AJAP1: variants seen among roughly 807,000 people sequenced by gnomAD.
The protein encoded by AJAP1 is adherens junction-associated protein 1.
Under a neutral mutation model 35.0 loss-of-function variants are expected in AJAP1, and 5 were observed. That is an observed-to-expected ratio of 0.14 (90% confidence interval 0.07 to 0.30). The LOEUF is 0.30. Among genes scored for constraint, AJAP1 ranks in the 10% least tolerant of loss-of-function variants. The probability of loss-of-function intolerance (pLI) is 1.00; values close to 1 mark genes in which losing one functional copy is unlikely to be tolerated. For missense variants in AJAP1, 586 were observed against 571.0 expected, an observed-to-expected ratio of 1.03 and a Z score of -0.27; for synonymous variants, 284 against 249.3, an observed-to-expected ratio of 1.14 and a Z score of -1.31.
intron 2 of AJAP1, among the ~76,000 whole-genome samples, chr1:4,761,046 G>A (rs117666364): frequency 0.016 from 2,505 of 152,276 alleles, 65 homozygotes; most frequent in South Asian, 0.12. Context: ...GTGAAGTGAG[G>A]GCTCTGTGCC....
At chr1:4,748,168 C>T (rs1362158805) in intron 2 of AJAP1, among the ~76,000 whole-genome samples, 1 of 152,110 alleles carries the variant, frequency 6.6e-6, no homozygotes, top group Admixed American at 6.5e-5. Context: ...CTCGCCCCTG[C>T]ATCCTCCCCT....
intron 2 of AJAP1, 73 bp from the exon 3 acceptor site, chr1:4,769,780 C>T (rs1641794077): frequency 2.2e-6 from 3 of 1,345,056 alleles, no homozygotes; most frequent in East Asian, 4.6e-5. Context: ...GATGCACCTC[C>T]ACCTTTCCCG....
chr1:4,718,718 T>C (rs1640450849), intron 2 of AJAP1, among the ~76,000 whole-genome samples: 1 of 152,116 alleles, frequency 6.6e-6, no homozygotes, highest in Admixed American at 6.6e-5. Flanking sequence ...CTTGACCTCA[T>C]GATCCACCTG....
chr1:4,736,443 C>A (rs1331230502), intron 2 of AJAP1, among the ~76,000 whole-genome samples: 1 of 152,246 alleles, frequency 6.6e-6, no homozygotes, highest in Non-Finnish European at 1.5e-5. Context: ...CCAAAAACAC[C>A]AGCCACAAGT....
intron 2 of AJAP1, among the ~76,000 whole-genome samples, chr1:4,761,893 G>A (rs1570209439): frequency 1.3e-5 from 2 of 152,220 alleles, no homozygotes; most frequent in Admixed American, 1.3e-4. Flanking sequence ...CCAGACTGAG[G>A]ATGGGTCTGC....
chr1:4,736,357 C>T (rs12566571), intron 2 of AJAP1, among the ~76,000 whole-genome samples: 22,381 of 152,180 alleles, frequency 0.15, 1,862 homozygotes, highest in African/African-American at 0.21. Flanking sequence ...TTGCCCGCTG[C>T]GCTGTGCGCA....
chr1:4,659,379 G>A (rs1028476766), intron 1 of AJAP1, among the ~76,000 whole-genome samples: 2 of 152,170 alleles, frequency 1.3e-5, no homozygotes, highest in Non-Finnish European at 2.9e-5. Flanking sequence ...AGGAGCAGGG[G>A]CTTTCTGGGG....
chr1:4,750,825 G>T lies in AJAP1; in HGVS notation c.830-19028G>T, dbSNP rs1641304547. Among the ~76,000 whole-genome samples, 3 of 149,324 alleles carry T rather than the reference G, an allele frequency of 2.0e-5. No homozygotes were observed. The South Asian group carries it at 6.7e-4, about 33-fold the overall frequency. ...TTCTGAGAAGAAGGAGGAGTGAGGTGGTTATTCTCCTCTCCAGCAACACGT... is the reference window on the plus strand; with the variant it reads ...TTCTGAGAAGAAGGAGGAGTGAGGTTGTTATTCTCCTCTCCAGCAACACGT... On this transcript the variant is annotated intron_variant, in intron 2 of 5. Transcript: ENST00000378191.
chr1:4,664,359 G>A (rs550283539), intron 1 of AJAP1, among the ~76,000 whole-genome samples: 20 of 152,308 alleles, frequency 1.3e-4, no homozygotes, highest in South Asian at 4.1e-4. Flanking sequence ...GCCTGGCACC[G>A]CACAGAACAT....
chr1:4,702,584 G>T (rs2100247737), intron 1 of AJAP1, among the ~76,000 whole-genome samples: 1 of 152,098 alleles, frequency 6.6e-6, no homozygotes. Flanking sequence ...GGAGTGGACT[G>T]GGCCAGACCG....
intron 2 of AJAP1, among the ~76,000 whole-genome samples, chr1:4,715,654 C>T (rs1352820082): frequency 6.6e-6 from 1 of 152,066 alleles, no homozygotes; most frequent in African/African-American, 2.4e-5. Context: ...CATTGCACTC[C>T]AGCCTGGGCA....
chr1:4,775,400 A>T (rs1641921986), intron 5 of AJAP1, among the ~76,000 whole-genome samples: 1 of 152,114 alleles, frequency 6.6e-6, no homozygotes, highest in South Asian at 2.1e-4. Flanking sequence ...TCCAAAGGTG[A>T]CCTAAGATCC....
chr1:4,779,147 C>T lies in AJAP1; in HGVS notation c.*60-3398C>T, dbSNP rs1192614029. 3.9e-5 allele frequency among the ~76,000 whole-genome samples: 6 copies of T among 152,174 alleles called. No homozygotes were observed. The East Asian group carries it at 1.2e-3, about 29-fold the overall frequency. ...AATGGGGCATCCAAGAGGCCCTCCC[C>T]AGGGAGGTGTTCTTTCCAGCCAAAA... On this transcript the variant is annotated intron_variant, in intron 5 of 5. Coordinates refer to ENST00000378191, the MANE Select transcript of AJAP1 (RefSeq NM_018836.4).
At chr1:4,707,504 G>A (rs1379824890) in intron 1 of AJAP1, among the ~76,000 whole-genome samples, 4 of 152,070 alleles carry the variant, frequency 2.6e-5, no homozygotes, top group South Asian at 2.1e-4. Flanking sequence ...AAACGGAACC[G>A]GGCACCGTGT....
rs970383021 is a variant in AJAP1, at chr1:4,784,046, T to C, written c.*1561T>C. The C allele has an allele frequency of 4.6e-5, 7 of 152,172 alleles. No homozygotes were observed. Among genetic ancestry groups the C allele is most frequent in the Admixed American group, 6.5e-5 (1 of 15,288 alleles). 9.4% of individuals were successfully genotyped at this position (152,172 alleles called of 1,614,324 possible). A position where few individuals can be genotyped will look rare whatever the true frequency, so the allele number is the denominator to read the frequency against. ...GATGCCGTTCTCCCGTCAGCTTCCA[T>C]TGGCCGATGGATGTTTCTGTTTTGT... On this transcript the variant is annotated 3_prime_UTR_variant, in exon 6 of 6. Transcript: ENST00000378191.
intron 1 of AJAP1, among the ~76,000 whole-genome samples, chr1:4,695,284 C>T (rs759324107): frequency 1.1e-4 from 17 of 152,168 alleles, no homozygotes; most frequent in Admixed American, 2.0e-4. Flanking sequence ...TGCTGCACTC[C>T]GTGGTGAGTG....
Position 4,782,571 on chromosome 1 carries a change from AAAAC to A in AJAP1, c.*94_*97del, listed in dbSNP as rs1224476036. The A allele has an allele frequency of 1.5e-5, 6 of 394,370 alleles. No individual in the cohort carries two copies. The highest frequency in any genetic ancestry group is 2.9e-4 in the South Asian group (2 of 6,984). The allele number at this position is 394,370 out of a possible 1,614,324, so 24.4% of individuals were successfully genotyped here. ...ATTCCGTTGGTGAACCTGTAAAAAC[AAAAC>A]AAACAAAACAAAACAAAAAAGACAA... On this transcript the variant is annotated 3_prime_UTR_variant, in exon 6 of 6. Coordinates refer to ENST00000378191, the MANE Select transcript of AJAP1 (RefSeq NM_018836.4). This position sits in a 1 kb window ranked among gnomAD's most constrained non-coding sequence, Gnocchi z 5.3.
intron 5 of AJAP1, chr1:4,777,253 C>A (rs551605394): frequency 4.5e-4 from 68 of 152,344 alleles, no homozygotes; most frequent in African/African-American, 1.5e-3. Flanking sequence ...GCCAGTGGAG[C>A]TCTTTCTCTC....
chr1:4,658,605 A>T (rs1190986019), intron 1 of AJAP1, among the ~76,000 whole-genome samples: 5 of 152,310 alleles, frequency 3.3e-5, no homozygotes, highest in African/African-American at 1.2e-4. Flanking sequence ...ATCATGCTTG[A>T]CTAAACTGCA....
Sources: allele counts gnomAD v4.1 joint callset (sites outside exome capture counted in the v4.1 genomes callset), GRCh38; gene constraint gnomAD v4.1.1; non-coding constraint Gnocchi (gnomAD v3.1); transcripts MANE v1.5; gene names NCBI Gene and HGNC (gene_info 2026-07-23, HGNC 2026-07-21).